HIPK2: variants seen among roughly 807,000 people sequenced by gnomAD.
The protein encoded by HIPK2 is homeodomain-interacting protein kinase 2.
In HIPK2, 27 loss-of-function variants were observed where a neutral mutation model predicts 113.7. That is an observed-to-expected ratio of 0.24 (90% CI 0.17 to 0.33). The LOEUF is 0.33. Ranked by LOEUF, HIPK2 falls within the 10% of genes least tolerant of loss-of-function variation. The pLI, the probability that HIPK2 is intolerant of heterozygous loss-of-function variation, is 1.00. For synonymous variants in HIPK2, 631 were observed against 642.2 expected (o/e 0.98, Z 0.26); for missense variants, 1,257 against 1,588.0 (o/e 0.79, Z 3.54).
At chr7:139,667,739 T>C (rs1336608305) in intron 2 of HIPK2, among the ~76,000 whole-genome samples, 1 of 152,242 alleles carries the variant, frequency 6.6e-6, no homozygotes, top group Non-Finnish European at 1.5e-5. Flanking sequence ...GTTAATTTCC[T>C]TTATACATTA....
At chr7:139,768,635 G>C (rs1796592117) in intron 1 of HIPK2, among the ~76,000 whole-genome samples, 1 of 152,128 alleles carries the variant, frequency 6.6e-6, no homozygotes, top group East Asian at 1.9e-4. Context: ...GCTTTCCTTG[G>C]GACAGAGGGA....
chr7:139,725,379 G>T (rs1478341911), intron 1 of HIPK2, among the ~76,000 whole-genome samples: 5 of 152,220 alleles, frequency 3.3e-5, no homozygotes, highest in African/African-American at 1.2e-4. Context: ...AGTCCATCAG[G>T]AGAGTGAGAC....
rs1340192587 is a variant in HIPK2, at chr7:139,569,540, G to C, written c.*3387C>G. 6.6e-6 allele frequency: 1 copy of C among 152,156 alleles called. No individual in the cohort carries two copies. The highest frequency in any genetic ancestry group is 1.5e-5 in the Non-Finnish European group (1 of 68,032). The allele number at this position is 152,156 out of a possible 1,614,324, so 9.4% of individuals were successfully genotyped here. On this transcript the variant is annotated 3_prime_UTR_variant, in exon 15 of 15. Transcript: ENST00000406875. ...GACAGTCAGTGACTCGACATTCCCC[G>C]AGCCCATGAGATGCCACCTGACGTC... is the stretch of plus-strand genomic sequence containing the variant.
At chr7:139,645,266 T>C (rs1801168096) in intron 2 of HIPK2, among the ~76,000 whole-genome samples, 1 of 152,204 alleles carries the variant, frequency 6.6e-6, no homozygotes, top group South Asian at 2.1e-4. Flanking sequence ...TCAGTCTTTA[T>C]GGCTGACAGT....
chr7:139,634,865 G>A (rs143807989), intron 2 of HIPK2, among the ~76,000 whole-genome samples: 2,738 of 151,724 alleles, frequency 0.018, 87 homozygotes, highest in African/African-American at 0.062. Flanking sequence ...TTTAGCAGAG[G>A]CGGGTTTTCA....
At chr7:139,693,387 A>G (rs566784705) in intron 2 of HIPK2, among the ~76,000 whole-genome samples, 2 of 152,366 alleles carry the variant, frequency 1.3e-5, no homozygotes, top group Admixed American at 1.3e-4. Context: ...GTTTGAACAC[A>G]TTTCATCACA....
At chr7:139,667,322 T>C (rs1035669499) in intron 2 of HIPK2, among the ~76,000 whole-genome samples, 3 of 152,188 alleles carry the variant, frequency 2.0e-5, no homozygotes, top group African/African-American at 4.8e-5. Context: ...ATTTAATCTT[T>C]AGAAACAGTT....
rs1799898863 is a variant in HIPK2 at position 139,613,205 on chromosome 7, G to C, written c.2109C>G (p.Ala703=). 1 of 1,613,532 alleles carries C rather than the reference G, an allele frequency of 6.2e-7. No individual in the cohort carries two copies. Among genetic ancestry groups the C allele is most frequent in the South Asian group, 1.1e-5 (1 of 90,994 alleles). The change falls in exon 9 of 15, where the codon GCC becomes GCG. Residue 703 remains alanine (A), a synonymous_variant. Transcript: ENST00000406875. The surrounding 1 kb of genome is among the most constrained non-coding windows in gnomAD (Gnocchi z 4.2). ...QPLQIQPGLL[A]QQAWPSGTQQ... ...ATAATAAAGGAGAAAGAATTACCTG[G>C]GCAAGCAGACCTGGTTGGATCTGAA... is the stretch of plus-strand genomic sequence containing the variant.
intron 1 of HIPK2, among the ~76,000 whole-genome samples, chr7:139,733,126 ATGACTG>A (rs1795844124): frequency 6.6e-6 from 1 of 152,148 alleles, no homozygotes; most frequent in African/African-American, 2.4e-5. Flanking sequence ...ACCTTCCACC[ATGACTG>A]TAAGTTTCCT....
intron 2 of HIPK2, among the ~76,000 whole-genome samples, chr7:139,672,450 C>CA (rs981246216): frequency 2.8e-4 from 42 of 151,410 alleles, no homozygotes; most frequent in Non-Finnish European, 5.5e-4. Context: ...ATGAAGACTT[C>CA]AAAAAAAATA....
chr7:139,594,393 TACTG>T (rs1226477856), intron 12 of HIPK2, among the ~76,000 whole-genome samples: 3 of 152,224 alleles, frequency 2.0e-5, no homozygotes, highest in Admixed American at 1.3e-4. Flanking sequence ...GGCCAATAAA[TACTG>T]ACTGTGTTAA....
At chr7:139,626,516 T>C in intron 6 of HIPK2, 85 bp downstream of exon 6, 1 of 1,443,696 alleles carries the variant, frequency 6.9e-7, no homozygotes, top group South Asian at 1.3e-5. Flanking sequence ...ACCAAGACCT[T>C]ATGGCCGCAA....
At chr7:139,609,060 G>C (rs1799726168) in intron 9 of HIPK2, among the ~76,000 whole-genome samples, 1 of 152,310 alleles carries the variant, frequency 6.6e-6, no homozygotes, top group South Asian at 2.1e-4. Flanking sequence ...GCTAGTCAAA[G>C]GAGATTTTAG....
chr7:139,760,745 C>T (rs1365144146), intron 1 of HIPK2, among the ~76,000 whole-genome samples: 1 of 152,088 alleles, frequency 6.6e-6, no homozygotes, highest in African/African-American at 2.4e-5. Context: ...TAAATTTTAA[C>T]AGTATATATT....
Position 139,620,451 on chromosome 7 carries a change from T to C in HIPK2, c.1732A>G (p.Thr578Ala). 6.2e-7 allele frequency: 1 copy of C among 1,614,020 alleles called. No individual in the cohort carries two copies. ...TTGTTAAAGGTCATGGTCAGGTTGG[T>C]GGACGTGCTGGGGGCCACGTGCGTG... ...FITHVAPSTS[T>A]NLTMTFNNQL... Residue 578 changes from threonine to alanine, a missense_variant, in exon 7 of 15, where the codon ACC (threonine) becomes GCC (alanine). Thr to Ala is a moderately conservative substitution (Grantham distance 58). Around this residue, in one of 5 missense-constraint regions of HIPK2, gnomAD observed 862 missense variants for 1,004.3 expected, o/e 0.86. Transcript: ENST00000406875.
chr7:139,746,652 A>G (rs1319851669), intron 1 of HIPK2, among the ~76,000 whole-genome samples: 1 of 152,170 alleles, frequency 6.6e-6, no homozygotes, highest in East Asian at 1.9e-4. Context: ...CTGGAGGTTG[A>G]CAACAGGTTT....
chr7:139,606,897 C>A, intron 9 of HIPK2, among the ~76,000 whole-genome samples: 1 of 152,004 alleles, frequency 6.6e-6, no homozygotes, highest in African/African-American at 2.4e-5. Flanking sequence ...AAGCCTCTAA[C>A]CTGAAAGAGA....
intron 1 of HIPK2, among the ~76,000 whole-genome samples, chr7:139,739,162 T>C (rs1443903461): frequency 6.6e-6 from 1 of 152,238 alleles, no homozygotes; most frequent in Non-Finnish European, 1.5e-5. Flanking sequence ...TGGGATCAAA[T>C]GATCCTCCTT....
intron 1 of HIPK2, among the ~76,000 whole-genome samples, chr7:139,724,157 T>C (rs1260279504): frequency 6.6e-6 from 1 of 152,220 alleles, no homozygotes; most frequent in Non-Finnish European, 1.5e-5. Flanking sequence ...AATATGCATC[T>C]AAATGGACAT....
Sources: allele counts gnomAD v4.1 joint callset (sites outside exome capture counted in the v4.1 genomes callset), GRCh38; gene constraint gnomAD v4.1.1; regional missense constraint gnomAD v4.1.1; non-coding constraint Gnocchi (gnomAD v3.1); transcripts MANE v1.5; gene names NCBI Gene and HGNC (gene_info 2026-07-23, HGNC 2026-07-21).